The following LDAH variants were observed in gnomAD, a reference collection of about 807,000 sequenced individuals.
LDAH encodes lipid droplet associated hydrolase.
Under a neutral mutation model 29.6 loss-of-function variants are expected in LDAH, and 26 were observed. That is an observed-to-expected ratio of 0.88 (90% confidence interval 0.64 to 1.22). The LOEUF (loss-of-function observed/expected upper bound fraction) is 1.22. Among genes scored for constraint, LDAH ranks in the 50% most tolerant of loss-of-function variants. LDAH has a pLI of 0.00. For synonymous variants in LDAH, 117 were observed against 133.0 expected, an observed-to-expected ratio of 0.88 and a Z score of 0.83; for missense variants, 344 against 387.3, an observed-to-expected ratio of 0.89 and a Z score of 0.94.
At chr2:20,766,422 T>C (rs892627138) in intron 4 of LDAH, among the ~76,000 whole-genome samples, 3 of 152,212 alleles carry the variant, frequency 2.0e-5, no homozygotes, top group Non-Finnish European at 4.4e-5. Context: ...ATTCACTTTA[T>C]ATCCTCTGCC....
At chr2:20,690,463 T>C (rs941786531) in intron 6 of LDAH, among the ~76,000 whole-genome samples, 21 of 152,368 alleles carry the variant, frequency 1.4e-4, no homozygotes, top group African/African-American at 5.0e-4. Flanking sequence ...AAATTTTGTT[T>C]TCTTTTACAA....
intron 6 of LDAH, among the ~76,000 whole-genome samples, chr2:20,694,885 C>T (rs777873357): frequency 6.6e-6 from 1 of 152,252 alleles, no homozygotes; most frequent in Non-Finnish European, 1.5e-5. Context: ...ACGAGGCCAT[C>T]AAGTGACTGG....
chr2:20,775,079 T>A, intron 3 of LDAH, 100 bp from the exon 4 acceptor site: 1 of 1,056,176 alleles, frequency 9.5e-7, no homozygotes, highest in Non-Finnish European at 1.4e-6. Context: ...AGTTACCATT[T>A]ATCGAAAGCC....
intron 5 of LDAH, among the ~76,000 whole-genome samples, chr2:20,734,753 A>G (rs1161401151): frequency 1.3e-5 from 2 of 152,186 alleles, no homozygotes; most frequent in South Asian, 2.1e-4. Context: ...TGACATTCCC[A>G]GATTCCTTCT....
intron 5 of LDAH, among the ~76,000 whole-genome samples, chr2:20,711,866 G>C (rs991688111): frequency 6.6e-6 from 1 of 152,224 alleles, no homozygotes; most frequent in Admixed American, 6.5e-5. Context: ...TCTTGAGTAG[G>C]CAAACAAAGC....
chr2:20,770,343 G>C (rs1669328411), intron 4 of LDAH, among the ~76,000 whole-genome samples: 1 of 152,052 alleles, frequency 6.6e-6, no homozygotes, highest in African/African-American at 2.4e-5. Flanking sequence ...AGTTTGTGAA[G>C]GATCTGATAT....
At chr2:20,719,645 T>C (rs1369734681) in intron 5 of LDAH, among the ~76,000 whole-genome samples, 1 of 152,012 alleles carries the variant, frequency 6.6e-6, no homozygotes, top group African/African-American at 2.4e-5. Flanking sequence ...AGCATTACCA[T>C]GATACCAAGA....
At chr2:20,808,926 T>A (rs944657908) in intron 1 of LDAH, among the ~76,000 whole-genome samples, 1 of 152,122 alleles carries the variant, frequency 6.6e-6, no homozygotes, top group African/African-American at 2.4e-5. Context: ...GGAAAATAAA[T>A]GAATCTTGAC....
At chr2:20,696,241 C>T (rs929970960) in intron 6 of LDAH, among the ~76,000 whole-genome samples, 3 of 152,304 alleles carry the variant, frequency 2.0e-5, no homozygotes, top group African/African-American at 7.2e-5. Flanking sequence ...GATTTGCATG[C>T]CCCAATCTGC....
intron 3 of LDAH, among the ~76,000 whole-genome samples, chr2:20,786,900 T>C (rs1368011117): frequency 5.3e-5 from 8 of 152,330 alleles, no homozygotes; most frequent in Non-Finnish European, 4.4e-5. Flanking sequence ...AGCCATGTTA[T>C]TGAGAATATT....
At chr2:20,800,766 T>C (rs934566795) in intron 2 of LDAH, among the ~76,000 whole-genome samples, 30 of 152,270 alleles carry the variant, frequency 2.0e-4, no homozygotes, top group African/African-American at 7.2e-4. Context: ...CCCGAGTAGC[T>C]GGGACTATAG....
intron 5 of LDAH, among the ~76,000 whole-genome samples, chr2:20,736,338 A>G (rs371561562): frequency 1.8e-4 from 27 of 152,186 alleles, no homozygotes; most frequent in African/African-American, 6.3e-4. Context: ...ACTACTTGGG[A>G]GACTGAGGCA....
intron 4 of LDAH, among the ~76,000 whole-genome samples, chr2:20,751,478 T>C (rs936300951): frequency 6.6e-6 from 1 of 152,358 alleles, no homozygotes; most frequent in South Asian, 2.1e-4. Flanking sequence ...GAGGAGACTA[T>C]GAAACAAACG....
intron 3 of LDAH, among the ~76,000 whole-genome samples, chr2:20,784,508 T>A (rs1325235888): frequency 1.3e-5 from 2 of 152,248 alleles, no homozygotes; most frequent in East Asian, 3.8e-4. Context: ...TTTAAAATCC[T>A]ACTCTCTATT....
intron 1 of LDAH, among the ~76,000 whole-genome samples, chr2:20,801,930 A>G (rs1011327650): frequency 6.4e-5 from 9 of 140,220 alleles, no homozygotes; most frequent in East Asian, 2.1e-4. Context: ...CCCAAATTCT[A>G]TGTGTGTGTG....
chr2:20,788,575 A>G (rs2125065679), intron 3 of LDAH, among the ~76,000 whole-genome samples: 1 of 152,354 alleles, frequency 6.6e-6, no homozygotes, highest in Middle Eastern at 3.4e-3. Flanking sequence ...GTAAAATGTA[A>G]CTTTATTGTA....
intron 5 of LDAH, among the ~76,000 whole-genome samples, chr2:20,724,432 C>A (rs1462332280): frequency 6.6e-6 from 1 of 152,114 alleles, no homozygotes; most frequent in East Asian, 1.9e-4. Context: ...TAGCTCACAG[C>A]AGGTATCAGT....
intron 4 of LDAH, among the ~76,000 whole-genome samples, chr2:20,746,813 T>C (rs1257670725): frequency 6.6e-6 from 1 of 152,064 alleles, no homozygotes; most frequent in South Asian, 2.1e-4. Flanking sequence ...AGAACTCCCA[T>C]GTTAGCCAAT....
At chr2:20,786,051 T>G (rs1303084808) in intron 3 of LDAH, among the ~76,000 whole-genome samples, 1 of 152,206 alleles carries the variant, frequency 6.6e-6, no homozygotes, top group Non-Finnish European at 1.5e-5. Context: ...CAGACTGTTT[T>G]TTCTTACCTT....
Sources: allele counts gnomAD v4.1 joint callset (sites outside exome capture counted in the v4.1 genomes callset), GRCh38; gene constraint gnomAD v4.1.1; transcripts MANE v1.5; gene names NCBI Gene and HGNC (gene_info 2026-07-23, HGNC 2026-07-21).